TPO: variants seen among roughly 807,000 people sequenced by gnomAD.
TPO encodes the protein thyroid peroxidase.
A neutral mutation model predicts 96.9 loss-of-function variants in TPO; 78 were observed. That is an observed-to-expected ratio of 0.81 (90% CI 0.67 to 0.97). TPO has a LOEUF of 0.97. Among genes scored for constraint, TPO ranks in the 50% least tolerant of loss-of-function variants. TPO has a pLI of 0.00. For missense variants in TPO, 1,252 were observed against 1,274.8 expected (o/e 0.98, Z 0.27); for synonymous variants, 547 against 538.0 (o/e 1.02, Z -0.23).
intron 7 of TPO, among the ~76,000 whole-genome samples, chr2:1,463,144 C>T (rs1027660899): frequency 4.6e-5 from 7 of 152,066 alleles, no homozygotes; most frequent in Non-Finnish European, 2.9e-5. Context: ...GGGAGAGGCC[C>T]CAGGGTGGGT....
rs1158909109 is a variant in TPO at position 1,487,853 on chromosome 2, G to T, written c.1630G>T (p.Ala544Ser). Residue 544 changes from alanine to serine, a missense_variant, in exon 10 of 17, where the codon GCA becomes TCA. By Grantham distance (99) the Ala-to-Ser change is moderately conservative (BLOSUM62 1). Coordinates refer to ENST00000329066, the MANE Select transcript of TPO (RefSeq NM_001206744.2). ...GLDPLIRGLL[A>S]RPAKLQVQDQ... ...GGACCCACTAATACGAGGCCTTCTT[G>T]CAAGACCAGCCAAACTGCAGGTGCA... The T allele has an allele frequency of 1.2e-6, 2 of 1,614,228 alleles. No individual in the cohort carries two copies. The highest frequency in any genetic ancestry group is 2.2e-5 in the East Asian group (1 of 44,876).
intron 1 of TPO, among the ~76,000 whole-genome samples, chr2:1,406,974 A>T (rs1001408543): frequency 3.3e-5 from 5 of 152,200 alleles, no homozygotes; most frequent in African/African-American, 7.2e-5. Context: ...AGGACAATGA[A>T]AAATTTATTT....
At chr2:1,535,525 TC>T (rs67657023) in intron 15 of TPO, among the ~76,000 whole-genome samples, 1 of 53,158 alleles carries the variant, frequency 1.9e-5, no homozygotes, top group African/African-American at 7.2e-5. Flanking sequence ...CCTCCCCAAA[TC>T]CCCGTGTGCC....
intron 1 of TPO, among the ~76,000 whole-genome samples, chr2:1,384,637 T>C (rs930113392): frequency 5.9e-5 from 9 of 152,118 alleles, no homozygotes; most frequent in African/African-American, 2.2e-4. Context: ...TTTCTAAATA[T>C]ACAATCATGT....
At chr2:1,526,666 A>ACC (rs1676577933) in intron 15 of TPO, among the ~76,000 whole-genome samples, 1 of 88,544 alleles carries the variant, frequency 1.1e-5, no homozygotes, top group African/African-American at 4.8e-5. Context: ...AAATCCCCCA[A>ACC]ACTGTGTTCA....
intron 15 of TPO, among the ~76,000 whole-genome samples, chr2:1,525,507 G>T (rs1464635067): frequency 8.4e-5 from 5 of 59,718 alleles, no homozygotes; most frequent in African/African-American, 2.1e-4. Flanking sequence ...ACCCCCACTG[G>T]GTACAACCTC....
rs567151647 is a variant in TPO, at chr2:1,541,093, G to A, written c.2748+370G>A. The A allele has an allele frequency of 3.1e-5, 37 of 1,206,414 alleles. No homozygotes were observed. In the Admixed American group the frequency reaches 4.6e-4, roughly 15 times the overall value. The allele number at this position is 1,206,414 out of a possible 1,614,324, so 74.7% of individuals were successfully genotyped here. On this transcript the variant is annotated intron_variant, in intron 16 of 16. Transcript: ENST00000329066. The stretch of plus-strand genomic sequence containing the variant: ...TTTTTAAGTGGAATAGTTATAATCA[G>A]TGTGGAAAAATGTGTATGTTTATGT...
chr2:1,510,588 G>C (rs1416164483), intron 14 of TPO, among the ~76,000 whole-genome samples: 1 of 152,144 alleles, frequency 6.6e-6, no homozygotes, highest in Non-Finnish European at 1.5e-5. Context: ...TGCCTAAGAG[G>C]GCTCACCCAC....
intron 1 of TPO, among the ~76,000 whole-genome samples, chr2:1,376,908 T>G (rs1458233614): frequency 2.0e-5 from 3 of 152,130 alleles, no homozygotes; most frequent in Non-Finnish European, 2.9e-5. Context: ...ACTGGCAGGA[T>G]AACAATGATA....
intron 2 of TPO, among the ~76,000 whole-genome samples, chr2:1,419,929 G>T (rs1041791430): frequency 3.9e-5 from 6 of 152,128 alleles, no homozygotes; most frequent in African/African-American, 1.4e-4. Context: ...GGAGAGAAAA[G>T]GTTTCTTCTT....
chr2:1,400,128 A>C (rs1459679881), intron 1 of TPO, among the ~76,000 whole-genome samples: 2 of 152,158 alleles, frequency 1.3e-5, no homozygotes, highest in African/African-American at 2.4e-5. Flanking sequence ...TTGAAATGTT[A>C]TTATCAAAGA....
intron 11 of TPO, among the ~76,000 whole-genome samples, chr2:1,495,634 G>T (rs6751783): frequency 0.046 from 7,041 of 152,266 alleles, 570 homozygotes; most frequent in African/African-American, 0.16. Context: ...TTCTGAGGCC[G>T]CTCGTTCAGA....
chr2:1,495,927 G>C, intron 11 of TPO, 62 bp from the exon 12 acceptor site: 1 of 1,555,778 alleles, frequency 6.4e-7, no homozygotes, highest in Admixed American at 1.8e-5. Flanking sequence ...AGCTGGTCTT[G>C]AGTGCCTGCC....
intron 1 of TPO, among the ~76,000 whole-genome samples, chr2:1,399,707 C>A (rs1005196226): frequency 1.3e-5 from 2 of 152,212 alleles, no homozygotes; most frequent in African/African-American, 4.8e-5. Context: ...GAGCCTCTCC[C>A]ATCCCAGGGC....
intron 8 of TPO, among the ~76,000 whole-genome samples, chr2:1,478,864 AG>A (rs1304366613): frequency 6.8e-6 from 1 of 147,184 alleles, no homozygotes; most frequent in East Asian, 2.0e-4. Context: ...CAGCAAACAC[AG>A]AAGACGAGCT....
chr2:1,483,860 A>G (rs747987178), intron 8 of TPO, among the ~76,000 whole-genome samples: 83 of 152,240 alleles, frequency 5.5e-4, no homozygotes, highest in Admixed American at 5.2e-4. Flanking sequence ...ATTCTGGCAC[A>G]TGGAAGAAAC....
intron 1 of TPO, among the ~76,000 whole-genome samples, chr2:1,392,292 G>T (rs183047256): frequency 6.6e-6 from 1 of 152,108 alleles, no homozygotes; most frequent in African/African-American, 2.4e-5. Flanking sequence ...TTATGTTTAC[G>T]TGATGGATTA....
chr2:1,461,497 T>A (rs968127102), intron 7 of TPO, among the ~76,000 whole-genome samples: 2 of 152,104 alleles, frequency 1.3e-5, no homozygotes, highest in African/African-American at 4.8e-5. Flanking sequence ...AGGGGAGGAA[T>A]TGGCCTTTCG....
intron 14 of TPO, among the ~76,000 whole-genome samples, chr2:1,506,788 T>C (rs1393785425): frequency 6.6e-6 from 1 of 152,230 alleles, no homozygotes; most frequent in Non-Finnish European, 1.5e-5. Flanking sequence ...ATATTAGCCC[T>C]TTGTCAAATG....
Sources: gnomAD v4.1 joint callset for allele counts (sites outside exome capture counted in the v4.1 genomes callset) on GRCh38, gnomAD v4.1.1 for gene constraint, MANE v1.5 for transcripts, NCBI Gene and HGNC (gene_info 2026-07-23, HGNC 2026-07-21) for gene names.